Variants in TRPC3 observed in about 807,000 individuals in gnomAD.
TRPC3 encodes the protein transient receptor potential cation channel subfamily C member 3.
A neutral mutation model predicts 90.9 loss-of-function variants in TRPC3; 54 were observed. That is an observed-to-expected ratio of 0.59 (90% confidence interval 0.48 to 0.75). The LOEUF is 0.75. Among genes scored for constraint, TRPC3 ranks in the 30% least tolerant of loss-of-function variants. The probability of loss-of-function intolerance (pLI) is 0.00; values close to 1 mark genes in which losing one functional copy is unlikely to be tolerated. For missense variants in TRPC3, 918 were observed against 1,194.5 expected (o/e 0.77, Z 3.41); for synonymous variants, 424 against 450.9 (o/e 0.94, Z 0.75).
In TRPC3 at chr4:121,902,309, T is replaced by C. The variant is rs151049987; in HGVS notation, c.2463+543A>G. On this transcript the variant is annotated intron_variant, in intron 9 of 11. Coordinates refer to ENST00000379645, the MANE Select transcript of TRPC3 (RefSeq NM_001130698.2). ...GAAAATTATCTTCTTTGTTAAACTA[T>C]GACTCAACTGAGATAACTCAAGGGT... is the stretch of plus-strand genomic sequence containing the variant. 4.2e-3 allele frequency among the ~76,000 whole-genome samples: 633 copies of C among 152,324 alleles called. 9 individuals are homozygous for C. Among genetic ancestry groups the C allele is most frequent in the African/African-American group, 0.014 (594 of 41,574 alleles).
chr4:121,924,891 G>T (rs1729649282), intron 3 of TRPC3, 127 bp downstream of exon 3: 1 of 1,039,338 alleles, frequency 9.6e-7, no homozygotes, highest in Non-Finnish European at 1.4e-6. Context: ...TACAGACACA[G>T]TCTCATTATG....
chr4:121,905,613 AC>A lies in TRPC3; in HGVS notation c.2058-1097del, dbSNP rs201806284. Among the ~76,000 whole-genome samples, 633 of 150,414 alleles carry A rather than the reference AC, an allele frequency of 4.2e-3. 9 individuals are homozygous for A. The highest frequency in any genetic ancestry group is 0.015 in the African/African-American group (595 of 39,982). On this transcript the variant is annotated intron_variant, in intron 7 of 11. Coordinates refer to ENST00000379645, the MANE Select transcript of TRPC3 (RefSeq NM_001130698.2). ...ATTTACACACATAAAATTCCATTAC[AC>A]CTTCAAAAGTAAGTCTTTTCTTTTC...
intron 5 of TRPC3, 50 bp from the exon 6 acceptor site, chr4:121,910,437 G>T: frequency 6.9e-7 from 1 of 1,457,920 alleles, no homozygotes; most frequent in Non-Finnish European, 9.6e-7. Flanking sequence ...AGGCCAGACT[G>T]AGAAGCCATT....
In TRPC3 at chr4:121,907,338, G is replaced by GT; in HGVS notation, c.2021dup (p.Tyr674Ter). The change falls in exon 7 of 12, where the codon TAC becomes TAAC. Residue 674 changes from tyrosine (Y) to a stop codon, truncating the protein, a stop_gained and frameshift_variant. Transcript: ENST00000379645. LOFTEE classifies it high-confidence loss of function. ...FMIGMFILYS[Y>*]YLGAKVNAAF... is the part of the protein sequence containing the mutation. ...CAGCATTAACTTTAGCCCCAAGGTA[G>GT]TAAGAATAAAGTATGAACATGCCAA... The GT allele has an allele frequency of 6.2e-7, 1 of 1,612,326 alleles. No homozygotes were observed. The highest frequency in any genetic ancestry group is 8.5e-7 in the Non-Finnish European group (1 of 1,179,140).
intron 1 of TRPC3, among the ~76,000 whole-genome samples, chr4:121,943,806 T>G (rs1409232358): frequency 6.6e-6 from 1 of 152,202 alleles, no homozygotes; most frequent in East Asian, 1.9e-4. Flanking sequence ...TCACACATTT[T>G]CCTTAACAAG....
At chr4:121,887,680 C>G (rs1288391689) in intron 10 of TRPC3, among the ~76,000 whole-genome samples, 1 of 152,184 alleles carries the variant, frequency 6.6e-6, no homozygotes, top group Non-Finnish European at 1.5e-5. Context: ...CAAGAGACAA[C>G]AGAGAGAATA....
chr4:121,951,457 G>A lies in TRPC3; in HGVS notation c.215+9C>T, dbSNP rs1730748480. 7 of 1,227,478 alleles carry A rather than the reference G, an allele frequency of 5.7e-6. No homozygotes were observed. The highest frequency in any genetic ancestry group is 7.1e-6 in the Non-Finnish European group (7 of 982,848). 76.0% of individuals were successfully genotyped at this position (1,227,478 alleles called of 1,614,324 possible). A position where few individuals can be genotyped will look rare whatever the true frequency, so the allele number is the denominator to read the frequency against. ...CGAGGCGCGGGCCGCGGCCGGGCCC[G>A]GTACTCACAGGTCCGGCCCGTGGGA... On this transcript the variant is annotated intron_variant, in intron 1 of 11. Transcript: ENST00000379645. The surrounding 1 kb of genome is among the most constrained non-coding windows in gnomAD (Gnocchi z 4.4).
At chr4:121,896,352 T>C (rs1414203861) in intron 10 of TRPC3, among the ~76,000 whole-genome samples, 1 of 151,976 alleles carries the variant, frequency 6.6e-6, no homozygotes, top group Non-Finnish European at 1.5e-5. Flanking sequence ...GTATCCAAAT[T>C]GGAAAGGAGG....
intron 11 of TRPC3, among the ~76,000 whole-genome samples, chr4:121,880,680 CAAGTGACCG>C (rs1727912242): frequency 6.6e-6 from 1 of 152,120 alleles, no homozygotes; most frequent in African/African-American, 2.4e-5. Context: ...GATTCTCTTG[CAAGTGACCG>C]TAATGTAGAT....
intron 10 of TRPC3, among the ~76,000 whole-genome samples, chr4:121,890,985 C>T (rs902093609): frequency 2.0e-5 from 3 of 151,114 alleles, no homozygotes; most frequent in Non-Finnish European, 4.4e-5. Context: ...AGCAAGACTC[C>T]ATCTTAAAAA....
intron 10 of TRPC3, among the ~76,000 whole-genome samples, chr4:121,897,828 T>TA (rs1728570984): frequency 1.3e-5 from 2 of 152,118 alleles, no homozygotes; most frequent in Admixed American, 1.3e-4. Flanking sequence ...AAGAAATCAT[T>TA]ATATCAAAGA....
At chr4:121,892,534 T>A (rs1279161168) in intron 10 of TRPC3, among the ~76,000 whole-genome samples, 1 of 152,198 alleles carries the variant, frequency 6.6e-6, no homozygotes, top group Non-Finnish European at 1.5e-5. Flanking sequence ...CCTGGGTCCC[T>A]GACATTGTTA....
At chr4:121,948,739 GT>G (rs1458036900) in intron 1 of TRPC3, among the ~76,000 whole-genome samples, 1 of 151,976 alleles carries the variant, frequency 6.6e-6, no homozygotes, top group African/African-American at 2.4e-5. Flanking sequence ...TCTGCTTCTT[GT>G]CCTATCTATC....
chr4:121,904,172 G>T, intron 8 of TRPC3, 150 bp downstream of exon 8: 1 of 633,336 alleles, frequency 1.6e-6, no homozygotes. Context: ...TATCTATCCA[G>T]GTAGAAAACA....
chr4:121,877,156 G>A lies in TRPC3; in HGVS notation c.*2580C>T, dbSNP rs975103997. ...GACTAATTCTGACAGCAATCCCCTCGACTAATCCTCATCTCAACCGTATGC... is the reference window on the plus strand; with the variant it reads ...GACTAATTCTGACAGCAATCCCCTCAACTAATCCTCATCTCAACCGTATGC... On this transcript the variant is annotated 3_prime_UTR_variant, in exon 12 of 12. Transcript: ENST00000379645. Among the ~76,000 whole-genome samples, 1 of 152,090 alleles carries A rather than the reference G, an allele frequency of 6.6e-6. No homozygotes were observed. The highest frequency in any genetic ancestry group is 1.5e-5 in the Non-Finnish European group (1 of 68,008).
chr4:121,949,796 T>C (rs1172433318), intron 1 of TRPC3, among the ~76,000 whole-genome samples: 1 of 152,254 alleles, frequency 6.6e-6, no homozygotes, highest in East Asian at 1.9e-4. Context: ...AAAGATGTTC[T>C]ATTAGCAGTG....
chr4:121,878,407 A>C lies in TRPC3; in HGVS notation c.*1329T>G, dbSNP rs1015718337. Among the ~76,000 whole-genome samples the C allele has an allele frequency of 6.6e-6, 1 of 152,176 alleles. No individual in the cohort carries two copies. The highest frequency in any genetic ancestry group is 1.5e-5 in the Non-Finnish European group (1 of 68,036). ...AAGGACCTCTGAAAATCTTTGATCT[A>C]TGATCACAATTCGTATTCCTATACG... On this transcript the variant is annotated 3_prime_UTR_variant, in exon 12 of 12. Coordinates refer to ENST00000379645, the MANE Select transcript of TRPC3 (RefSeq NM_001130698.2).
intron 2 of TRPC3, among the ~76,000 whole-genome samples, chr4:121,929,549 A>G (rs72682604): frequency 0.016 from 2,412 of 152,320 alleles, 35 homozygotes; most frequent in South Asian, 0.062. Context: ...TTCTCAGAAT[A>G]GCTTCAAACA....
At chr4:121,888,704 C>T (rs1394013698) in intron 10 of TRPC3, among the ~76,000 whole-genome samples, 1 of 151,906 alleles carries the variant, frequency 6.6e-6, no homozygotes, top group East Asian at 1.9e-4. Flanking sequence ...CCTCCAAGTT[C>T]TGTAATAGTT....
Sources: gnomAD v4.1 joint callset for allele counts (sites outside exome capture counted in the v4.1 genomes callset) on GRCh38, gnomAD v4.1.1 for gene constraint, Gnocchi (gnomAD v3.1) non-coding constraint, MANE v1.5 for transcripts, NCBI Gene and HGNC (gene_info 2026-07-23, HGNC 2026-07-21) for gene names.